ADAMTS3: variants seen among roughly 807,000 people sequenced by gnomAD.
ADAMTS3 encodes the protein ADAM metallopeptidase with thrombospondin type 1 motif 3, also known as A disintegrin and metalloproteinase with thrombospondin motifs 3.
Under a neutral mutation model 129.0 loss-of-function variants are expected in ADAMTS3, and 73 were observed. The observed-to-expected ratio is 0.57, with a 90% CI of 0.47 to 0.69. The LOEUF (loss-of-function observed/expected upper bound fraction) is 0.69. Ranked by LOEUF, ADAMTS3 falls within the 30% of genes least tolerant of loss-of-function variation. The pLI, the probability that ADAMTS3 is intolerant of heterozygous loss-of-function variation, is 0.00. For missense variants in ADAMTS3, 1,457 were observed against 1,514.5 expected, an observed-to-expected ratio of 0.96 and a Z score of 0.63; for synonymous variants, 477 against 510.8, an observed-to-expected ratio of 0.93 and a Z score of 0.89.
chr4:72,449,210 G>A (rs1718332045), intron 3 of ADAMTS3, among the ~76,000 whole-genome samples: 1 of 151,442 alleles, frequency 6.6e-6, no homozygotes, highest in African/African-American at 2.4e-5. Context: ...GTTGTAAAGA[G>A]CATCTTCTGA....
chr4:72,363,309 G>A (rs923393047), intron 4 of ADAMTS3, among the ~76,000 whole-genome samples: 3 of 152,008 alleles, frequency 2.0e-5, no homozygotes, highest in East Asian at 1.9e-4. Context: ...AATTTGAAAC[G>A]GATGAAACGT....
intron 4 of ADAMTS3, among the ~76,000 whole-genome samples, chr4:72,372,273 TA>T (rs886885010): frequency 1.3e-5 from 2 of 151,590 alleles, no homozygotes; most frequent in African/African-American, 4.8e-5. Flanking sequence ...GCATAAAGAA[TA>T]AAAAAAATCA....
chr4:72,557,625 A>G (rs1269785903), intron 2 of ADAMTS3, among the ~76,000 whole-genome samples: 1 of 151,846 alleles, frequency 6.6e-6, no homozygotes, highest in Non-Finnish European at 1.5e-5. Context: ...AAATTCTTCT[A>G]GTTTTTAAAA....
At chr4:72,539,491 G>GAAAAAAAAAAAA (rs71215438) in intron 3 of ADAMTS3, among the ~76,000 whole-genome samples, 19 of 86,594 alleles carry the variant, frequency 2.2e-4, no homozygotes, top group East Asian at 3.9e-4. Flanking sequence ...GCTACTATCA[G>GAAAAAAAAAAAA]AAAAAAAAAA....
At chr4:72,522,492 G>C (rs1335612006) in intron 3 of ADAMTS3, among the ~76,000 whole-genome samples, 2 of 152,142 alleles carry the variant, frequency 1.3e-5, no homozygotes, top group Non-Finnish European at 2.9e-5. Context: ...AGAAAGAACA[G>C]TTAAGCGAGA....
chr4:72,323,158 A>C (rs1719604830), intron 5 of ADAMTS3, 61 bp from the exon 6 acceptor site: 1 of 1,312,382 alleles, frequency 7.6e-7, no homozygotes, highest in African/African-American at 1.4e-5. Flanking sequence ...CATGAGATGT[A>C]CATATAAGCT....
intron 20 of ADAMTS3, 55 bp from the exon 21 acceptor site, chr4:72,288,923 TACACACACACACACACAC>T (rs33967517): frequency 1.2e-4 from 56 of 452,750 alleles, no homozygotes; most frequent in Middle Eastern, 6.3e-4. Context: ...ACCATGCACA[TACACACACACACACACAC>T]ACACACACAC....
chr4:72,493,120 A>C (rs552372698), intron 3 of ADAMTS3, among the ~76,000 whole-genome samples: 1 of 151,714 alleles, frequency 6.6e-6, no homozygotes, highest in South Asian at 2.1e-4. Flanking sequence ...TCTAAAGTGA[A>C]CCTCTTATAG....
At chr4:72,432,616 A>G (rs985306027) in intron 3 of ADAMTS3, among the ~76,000 whole-genome samples, 2 of 152,032 alleles carry the variant, frequency 1.3e-5, no homozygotes, top group African/African-American at 2.4e-5. Flanking sequence ...ATTAAAATTT[A>G]AATAAAGATT....
chr4:72,534,932 A>T (rs1275663327), intron 3 of ADAMTS3, among the ~76,000 whole-genome samples: 1 of 152,202 alleles, frequency 6.6e-6, no homozygotes, highest in African/African-American at 2.4e-5. Context: ...GCTCAATATT[A>T]GTGTCTAGAA....
At position 72,384,443 on chromosome 4, in the gene ADAMTS3, G is replaced by C. The variant is rs72852004; in HGVS notation, c.661+30372C>G. Among the ~76,000 whole-genome samples the C allele has an allele frequency of 5.8e-3, 878 of 152,218 alleles. 13 individuals are homozygous for C. Among genetic ancestry groups the C allele is most frequent in the African/African-American group, 0.02 (832 of 41,542 alleles). On this transcript the variant is annotated intron_variant, in intron 4 of 21. Coordinates refer to ENST00000286657, the MANE Select transcript of ADAMTS3 (RefSeq NM_014243.3). ...GAAAAATAGCATACTATTTATGGGAGAATAATGTTACGAGTTATCCTTGAC... is the reference window on the plus strand; with the variant it reads ...GAAAAATAGCATACTATTTATGGGACAATAATGTTACGAGTTATCCTTGAC...
In ADAMTS3 at chr4:72,529,934, T is replaced by C. The variant is rs1329501526; in HGVS notation, c.504+18544A>G. Among the ~76,000 whole-genome samples the C allele has an allele frequency of 1.5e-4, 9 of 58,354 alleles. 1 individual carries two copies. The highest frequency in any genetic ancestry group is 7.1e-4 in the Admixed American group (2 of 2,826). 38.3% of individuals were successfully genotyped at this position (58,354 alleles called of 152,430 possible). A position where few individuals can be genotyped will look rare whatever the true frequency, so the allele number is the denominator to read the frequency against. On this transcript the variant is annotated intron_variant, in intron 3 of 21. Transcript: ENST00000286657. ...TATATATTATAAATATTATATAATA[T>C]ATTATATTTATATATAATATATAAT...
rs145058977 is a variant in ADAMTS3 at position 72,428,827 on chromosome 4, T to A, written c.505-13856A>T. Among the ~76,000 whole-genome samples the A allele has an allele frequency of 5.7e-3, 870 of 152,144 alleles. 4 individuals are homozygous for A. The highest frequency in any genetic ancestry group is 0.014 in the Middle Eastern group (4 of 294). Reference sequence around the variant, plus strand: ...CTCTATTATTTAAATTATATTCTAATATTAGAGCTCCCAAGACATGAATTT... The same window carrying A: ...CTCTATTATTTAAATTATATTCTAAAATTAGAGCTCCCAAGACATGAATTT... On this transcript the variant is annotated intron_variant, in intron 3 of 21. Transcript: ENST00000286657.
chr4:72,518,510 T>A (rs1720561299), intron 3 of ADAMTS3, among the ~76,000 whole-genome samples: 3 of 152,066 alleles, frequency 2.0e-5, no homozygotes, highest in Non-Finnish European at 4.4e-5. Context: ...GCTTTATGAA[T>A]CTGGGTGCTC....
At chr4:72,532,980 C>T (rs540034760) in intron 3 of ADAMTS3, among the ~76,000 whole-genome samples, 4 of 152,246 alleles carry the variant, frequency 2.6e-5, no homozygotes, top group African/African-American at 7.2e-5. Context: ...CCTGTGTAAG[C>T]ACCACACTTA....
chr4:72,527,241 T>A lies in ADAMTS3; in HGVS notation c.504+21237A>T, dbSNP rs75464197. On this transcript the variant is annotated intron_variant, in intron 3 of 21. Transcript: ENST00000286657. ...TATCAAGGGAACTCCTCTTCATCCT[T>A]AAAAGCTCAGCTCAACTAGCATTTC... Among the ~76,000 whole-genome samples, 433 of 152,260 alleles carry A rather than the reference T, an allele frequency of 2.8e-3. 5 individuals are homozygous for A. Among genetic ancestry groups the A allele is most frequent in the African/African-American group, 0.01 (426 of 41,554 alleles).
At position 72,290,996 on chromosome 4, in the gene ADAMTS3, A is replaced by G; in HGVS notation, c.2790T>C (p.Thr930=). The G allele has an allele frequency of 6.2e-7, 1 of 1,614,062 alleles. No homozygotes were observed. Among genetic ancestry groups the G allele is most frequent in the South Asian group, 1.1e-5 (1 of 91,086 alleles). ...CAAGGAGTGGCTGAAGGCAGCGTACAGTGCGAAGCTGATAGCCAGAACTTC... is the reference window on the plus strand; with the variant it reads ...CAAGGAGTGGCTGAAGGCAGCGTACGGTGCGAAGCTGATAGCCAGAACTTC... ...TCGSSGYQLR[T]VRCLQPLLDG... Residue 930 remains threonine (T), a synonymous_variant, in exon 20 of 22, where the codon ACT becomes ACC. Coordinates refer to ENST00000286657, the MANE Select transcript of ADAMTS3 (RefSeq NM_014243.3).
chr4:72,309,357 A>T, intron 15 of ADAMTS3, 40 bp downstream of exon 15: 2 of 1,601,526 alleles, frequency 1.2e-6, no homozygotes, highest in Non-Finnish European at 8.5e-7. Context: ...AGTACAAATC[A>T]CAGAGAAGAA....
chr4:72,317,216 GT>G (rs1439566428), intron 10 of ADAMTS3, among the ~76,000 whole-genome samples: 1 of 152,094 alleles, frequency 6.6e-6, no homozygotes, highest in Non-Finnish European at 1.5e-5. Flanking sequence ...TTAGATGTGG[GT>G]TTTTTGTTCT....
Sources: allele counts gnomAD v4.1 joint callset (sites outside exome capture counted in the v4.1 genomes callset), GRCh38; gene constraint gnomAD v4.1.1; transcripts MANE v1.5; gene names NCBI Gene and HGNC (gene_info 2026-07-23, HGNC 2026-07-21).